OSBPL1A: variants seen among roughly 807,000 people sequenced by gnomAD.
OSBPL1A encodes the protein oxysterol binding protein like 1A, also known as oxysterol-binding protein-related protein 1.
OSBPL1A carries 80 observed loss-of-function variants against 137.1 expected under a neutral mutation model. The ratio of observed to expected loss-of-function variants is 0.58; its 90% confidence interval spans 0.49 to 0.70. The LOEUF is 0.70. Ranked by LOEUF, OSBPL1A falls within the 30% of genes least tolerant of loss-of-function variation. OSBPL1A has a pLI of 0.00. For missense variants in OSBPL1A, 970 were observed against 1,129.4 expected, an observed-to-expected ratio of 0.86 and a Z score of 2.02; for synonymous variants, 365 against 389.7, an observed-to-expected ratio of 0.94 and a Z score of 0.75.
chr18:24,325,564 C>A (rs915664482), intron 7 of OSBPL1A, among the ~76,000 whole-genome samples: 1 of 152,142 alleles, frequency 6.6e-6, no homozygotes, highest in Non-Finnish European at 1.5e-5. Context: ...TCTAAGATAC[C>A]CCCCATCCTA....
rs559364547 is a variant in OSBPL1A, at chr18:24,339,755, C to A, written c.394+1792G>T. On this transcript the variant is annotated intron_variant, in intron 5 of 27. Coordinates refer to ENST00000319481, the MANE Select transcript of OSBPL1A (RefSeq NM_080597.4). ...AATATGTTCTCCACGTTACTAAATT[C>A]ATATAACACAGTGTCTGATAGAAGA... 2.6e-5 allele frequency among the ~76,000 whole-genome samples: 4 copies of A among 152,300 alleles called. No individual in the cohort carries two copies. In the South Asian group the frequency reaches 6.2e-4, roughly 24 times the overall value.
chr18:24,358,514 A>G (rs1168424103), intron 4 of OSBPL1A: 2 of 702,274 alleles, frequency 2.8e-6, no homozygotes, highest in African/African-American at 3.5e-5. Context: ...GAACAGATCT[A>G]GAACAAATTA....
At chr18:24,368,605 G>C (rs1417611989) in intron 2 of OSBPL1A, 3 of 403,466 alleles carry the variant, frequency 7.4e-6, no homozygotes, top group Non-Finnish European at 1.4e-5. Context: ...GGGATAGAGG[G>C]AGACAGGACG....
intron 17 of OSBPL1A, among the ~76,000 whole-genome samples, chr18:24,202,266 T>C (rs2087244092): frequency 1.3e-5 from 2 of 152,230 alleles, no homozygotes; most frequent in African/African-American, 4.8e-5. Flanking sequence ...CTCCTTCTGC[T>C]GGCAGCTAGA....
At chr18:24,222,380 A>C (rs2087921145) in intron 17 of OSBPL1A, among the ~76,000 whole-genome samples, 1 of 152,160 alleles carries the variant, frequency 6.6e-6, no homozygotes, top group Non-Finnish European at 1.5e-5. Context: ...TTTGGCGGCA[A>C]GGTTGAAGTA....
At chr18:24,320,898 A>G (rs1354929217) in intron 7 of OSBPL1A, among the ~76,000 whole-genome samples, 1 of 151,862 alleles carries the variant, frequency 6.6e-6, no homozygotes. Context: ...GTGTGGTGGC[A>G]GGCACCTGTA....
At chr18:24,228,781 G>A (rs2088176859) in intron 16 of OSBPL1A, among the ~76,000 whole-genome samples, 1 of 152,198 alleles carries the variant, frequency 6.6e-6, no homozygotes, top group African/African-American at 2.4e-5. Context: ...GCTGTCCCAA[G>A]CAATAAGAAC....
intron 5 of OSBPL1A, among the ~76,000 whole-genome samples, chr18:24,334,992 C>A (rs541951785): frequency 1.8e-3 from 274 of 152,226 alleles, no homozygotes; most frequent in African/African-American, 6.3e-3. Context: ...TGGGCTCACA[C>A]AATTCTCCTG....
chr18:24,335,180 C>T (rs2146145802), intron 5 of OSBPL1A, among the ~76,000 whole-genome samples: 1 of 152,324 alleles, frequency 6.6e-6, no homozygotes, highest in South Asian at 2.1e-4. Context: ...CATGAGCCAC[C>T]TTGCCTATTT....
chr18:24,379,402 C>T (rs1402646826), intron 1 of OSBPL1A, among the ~76,000 whole-genome samples: 1 of 151,922 alleles, frequency 6.6e-6, no homozygotes, highest in Non-Finnish European at 1.5e-5. Context: ...CACCTGTAAC[C>T]CCATCTACTC....
At chr18:24,189,633 T>TC (rs908186573) in intron 18 of OSBPL1A, among the ~76,000 whole-genome samples, 1 of 152,194 alleles carries the variant, frequency 6.6e-6, no homozygotes, top group Non-Finnish European at 1.5e-5. Context: ...TGTCTTTCTT[T>TC]CCCCATCTCA....
chr18:24,310,179 A>C (rs574614691), intron 13 of OSBPL1A, among the ~76,000 whole-genome samples: 62 of 152,218 alleles, frequency 4.1e-4, no homozygotes, highest in African/African-American at 1.5e-3. Flanking sequence ...AGGTGCAATA[A>C]AATCTAAAAG....
chr18:24,192,610 T>C (rs747679814), intron 18 of OSBPL1A, among the ~76,000 whole-genome samples: 1 of 152,020 alleles, frequency 6.6e-6, no homozygotes, highest in Non-Finnish European at 1.5e-5. Flanking sequence ...TAAATGCTAT[T>C]TGGAAAAAGG....
chr18:24,186,771 G>A (rs2086756167), intron 18 of OSBPL1A, among the ~76,000 whole-genome samples: 2 of 151,970 alleles, frequency 1.3e-5, no homozygotes, highest in African/African-American at 4.8e-5. Context: ...GGGCATGGTG[G>A]TGTGTGCTTG....
intron 20 of OSBPL1A, 26 bp from the exon 21 acceptor site, chr18:24,178,221 GAA>G (rs749902953): frequency 5.5e-6 from 5 of 905,890 alleles, no homozygotes; most frequent in Non-Finnish European, 7.7e-6. Flanking sequence ...AAAAAAAAAA[GAA>G]AAAAAAAAGC....
At chr18:24,208,078 C>T (rs1016371869) in intron 17 of OSBPL1A, among the ~76,000 whole-genome samples, 1 of 152,186 alleles carries the variant, frequency 6.6e-6, no homozygotes, top group African/African-American at 2.4e-5. Flanking sequence ...TTTAATGACA[C>T]AGCTTGTATC....
At chr18:24,166,911 T>A (rs2086158015) in intron 25 of OSBPL1A, among the ~76,000 whole-genome samples, 1 of 152,202 alleles carries the variant, frequency 6.6e-6, no homozygotes, top group South Asian at 2.1e-4. Context: ...CAAAGCAGGC[T>A]TTGCAGAATA....
At position 24,219,494 on chromosome 18, in the gene OSBPL1A, G is replaced by A. The variant is rs972298499; in HGVS notation, c.1601+5548C>T. Among the ~76,000 whole-genome samples, 4 of 152,092 alleles carry A rather than the reference G, an allele frequency of 2.6e-5. No homozygotes were observed. The East Asian group carries it at 5.8e-4, about 22-fold the overall frequency. On this transcript the variant is annotated intron_variant, in intron 17 of 27. Transcript: ENST00000319481. ...CTGAAAATATTTTTTATTTCTCTTCGTACATAAGTTTCTTAGCTCTTTGCT... is the reference window on the plus strand; with the variant it reads ...CTGAAAATATTTTTTATTTCTCTTCATACATAAGTTTCTTAGCTCTTTGCT...
intron 7 of OSBPL1A, among the ~76,000 whole-genome samples, chr18:24,321,236 GCA>G (rs2090848658): frequency 6.6e-6 from 1 of 152,032 alleles, no homozygotes; most frequent in Non-Finnish European, 1.5e-5. Context: ...TTTTATAGGT[GCA>G]CAGAGTTGTG....
Sources: gnomAD v4.1 joint callset for allele counts (sites outside exome capture counted in the v4.1 genomes callset) on GRCh38, gnomAD v4.1.1 for gene constraint, MANE v1.5 for transcripts, NCBI Gene and HGNC (gene_info 2026-07-23, HGNC 2026-07-21) for gene names.